The following ZPLD1 variants were observed in gnomAD, a reference collection of about 807,000 sequenced individuals.
The protein encoded by ZPLD1 is zona pellucida like domain containing 1.
ZPLD1 carries 34 observed loss-of-function variants against 47.2 expected under a neutral mutation model. The observed-to-expected ratio is 0.72, with a 90% CI of 0.55 to 0.96. The LOEUF is 0.96. Ranked by LOEUF, ZPLD1 falls within the 40% of genes least tolerant of loss-of-function variation. The probability of loss-of-function intolerance (pLI) is 0.00; values close to 1 mark genes in which losing one functional copy is unlikely to be tolerated. For synonymous variants in ZPLD1, 176 were observed against 186.2 expected, an observed-to-expected ratio of 0.95 and a Z score of 0.45; for missense variants, 512 against 505.8, an observed-to-expected ratio of 1.01 and a Z score of -0.12.
At chr3:102,385,459 T>C (rs886142672) in intron 6 of ZPLD1, 1 of 152,232 alleles carries the variant, frequency 6.6e-6, no homozygotes, top group African/African-American at 2.4e-5. Flanking sequence ...CCTGGAGATT[T>C]TCAGGAATTC....
chr3:102,444,563 C>A (rs113289843), intron 3 of ZPLD1, among the ~76,000 whole-genome samples: 11 of 152,260 alleles, frequency 7.2e-5, no homozygotes, highest in African/African-American at 1.4e-4. Flanking sequence ...GTTCTCTAGG[C>A]AATTTGTAAG....
intron 8 of ZPLD1, among the ~76,000 whole-genome samples, chr3:102,420,126 T>C (rs951552999): frequency 1.3e-5 from 2 of 151,884 alleles, no homozygotes; most frequent in Non-Finnish European, 2.9e-5. Context: ...TGGGAAATTA[T>C]AGGAATTTCA....
intron 8 of ZPLD1, among the ~76,000 whole-genome samples, chr3:102,418,587 T>A (rs1419237955): frequency 6.6e-6 from 1 of 152,004 alleles, no homozygotes; most frequent in African/African-American, 2.4e-5. Context: ...GCCACATCGT[T>A]GTGCTTCAGA....
chr3:102,434,154 A>G (rs1193002006), upstream of ZPLD1, among the ~76,000 whole-genome samples: 1 of 152,208 alleles, frequency 6.6e-6, no homozygotes, highest in Non-Finnish European at 1.5e-5. Context: ...TAACATGAGT[A>G]AAAATTAAAT....
At chr3:102,438,428 G>T in intron 2 of ZPLD1, 52 bp from the exon 3 acceptor site, 1 of 1,302,386 alleles carries the variant, frequency 7.7e-7, no homozygotes, top group South Asian at 1.2e-5. Flanking sequence ...CCAGTAAGTA[G>T]GAGTGAAGGA....
At chr3:102,449,542 G>A (rs775028256) in intron 3 of ZPLD1, among the ~76,000 whole-genome samples, 6 of 152,090 alleles carry the variant, frequency 3.9e-5, no homozygotes, top group Non-Finnish European at 8.8e-5. Flanking sequence ...GCTCCATCCT[G>A]CCCAGGATGT....
Position 102,436,957 on chromosome 3 carries a change from T to C in ZPLD1, c.-25T>C, listed in dbSNP as rs1054648664. 7 of 985,152 alleles carry C rather than the reference T, an allele frequency of 7.1e-6. No homozygotes were observed. Among genetic ancestry groups the C allele is most frequent in the African/African-American group, 3.5e-5 (2 of 57,226 alleles). The allele number at this position is 985,152 out of a possible 1,614,324, so 61.0% of individuals were successfully genotyped here. ...ATCATGAGAAGGAAGTGGTGGAGCA[T>C]GGAGCATGGAATAAATGTGGGTGCA... On this transcript the variant is annotated 5_prime_UTR_variant, in exon 2 of 12. The change abolishes an upstream ATG in the 5' untranslated region. Coordinates refer to ENST00000466937, the MANE Select transcript of ZPLD1 (RefSeq NM_001329788.2).
chr3:102,437,140 G>C (rs1420324501), intron 2 of ZPLD1, among the ~76,000 whole-genome samples, 167 bp downstream of exon 2: 1 of 152,192 alleles, frequency 6.6e-6, no homozygotes, highest in East Asian at 1.9e-4. Context: ...TCAGCCACTG[G>C]TGTGAGCCTT....
chr3:102,405,537 A>G (rs1706672288), intron 7 of ZPLD1, among the ~76,000 whole-genome samples: 1 of 152,036 alleles, frequency 6.6e-6, no homozygotes. Context: ...TTTGGGAGGA[A>G]CAGGTCCACC....
At chr3:102,474,649 A>G (rs1707732427) in intron 10 of ZPLD1, among the ~76,000 whole-genome samples, 1 of 152,212 alleles carries the variant, frequency 6.6e-6, no homozygotes, top group African/African-American at 2.4e-5. Context: ...TTCTGCATGT[A>G]TCTTTGGTGG....
At chr3:102,460,897 A>C (rs1352256438) in intron 6 of ZPLD1, among the ~76,000 whole-genome samples, 1 of 151,706 alleles carries the variant, frequency 6.6e-6, no homozygotes, top group Non-Finnish European at 1.5e-5. Context: ...GATTATTTGG[A>C]GAAGTTGGAA....
intron 6 of ZPLD1, among the ~76,000 whole-genome samples, chr3:102,390,840 C>A (rs1292681300): frequency 6.6e-6 from 1 of 152,002 alleles, no homozygotes; most frequent in South Asian, 2.1e-4. Context: ...TGGAATGTTG[C>A]AAACTGAAAC....
At chr3:102,418,596 GACATGAATTCC>G (rs1706838753) in intron 8 of ZPLD1, among the ~76,000 whole-genome samples, 1 of 151,976 alleles carries the variant, frequency 6.6e-6, no homozygotes, top group Non-Finnish European at 1.5e-5. Flanking sequence ...TTGTGCTTCA[GACATGAATTCC>G]AGCCACAGAC....
intron 3 of ZPLD1, among the ~76,000 whole-genome samples, chr3:102,442,118 G>A (rs183700526): frequency 1.3e-4 from 20 of 152,260 alleles, no homozygotes; most frequent in Non-Finnish European, 1.5e-5. Flanking sequence ...ACTTCAAAGA[G>A]AGGAGAAAGT....
At chr3:102,464,669 C>T (rs1439365698) in intron 8 of ZPLD1, among the ~76,000 whole-genome samples, 2 of 152,012 alleles carry the variant, frequency 1.3e-5, no homozygotes, top group African/African-American at 2.4e-5. Context: ...AATTTAGACC[C>T]CAAAATACTT....
At chr3:102,417,411 G>A (rs993185219) in intron 7 of ZPLD1, among the ~76,000 whole-genome samples, 1 of 152,048 alleles carries the variant, frequency 6.6e-6, no homozygotes, top group Non-Finnish European at 1.5e-5. Context: ...TTTCCAAAGA[G>A]GAATCATAAT....
chr3:102,464,365 C>A, intron 8 of ZPLD1, 114 bp downstream of exon 8: 1 of 700,542 alleles, frequency 1.4e-6, no homozygotes, highest in Non-Finnish European at 2.3e-6. Flanking sequence ...TTTTGAATTT[C>A]AAGTTTTACA....
intron 7 of ZPLD1, among the ~76,000 whole-genome samples, chr3:102,414,965 T>C (rs1233044772): frequency 1.3e-5 from 2 of 151,950 alleles, no homozygotes; most frequent in African/African-American, 4.8e-5. Flanking sequence ...CAATTCATGC[T>C]GATCAAAAGT....
chr3:102,456,453 G>C (rs996577177), intron 5 of ZPLD1, 79 bp downstream of exon 5: 2 of 1,224,276 alleles, frequency 1.6e-6, no homozygotes, highest in East Asian at 4.7e-5. Context: ...GACTTAGAAA[G>C]ATAGCAGGAT....
Sources: allele counts gnomAD v4.1 joint callset (sites outside exome capture counted in the v4.1 genomes callset), GRCh38; gene constraint gnomAD v4.1.1; transcripts MANE v1.5; gene names NCBI Gene and HGNC (gene_info 2026-07-23, HGNC 2026-07-21).